Variants in SH3GL1 observed in about 807,000 individuals in gnomAD.
The protein encoded by SH3GL1 is endophilin-A2.
A neutral mutation model predicts 48.8 loss-of-function variants in SH3GL1; 21 were observed. The ratio of observed to expected loss-of-function variants is 0.43; its 90% CI spans 0.30 to 0.62. The LOEUF is 0.62. SH3GL1 is among the 20% of genes least tolerant of loss of function. SH3GL1 has a pLI of 0.11. For synonymous variants in SH3GL1, 282 were observed against 217.5 expected (o/e 1.30, Z -2.61); for missense variants, 454 against 503.0 (o/e 0.90, Z 0.93).
chr19:4,385,330 C>G (rs1973216301), intron 1 of SH3GL1, among the ~76,000 whole-genome samples: 1 of 152,170 alleles, frequency 6.6e-6, no homozygotes, highest in African/African-American at 2.4e-5. Context: ...ATGATACAAC[C>G]TTCATGAGGT....
intron 4 of SH3GL1, among the ~76,000 whole-genome samples, chr19:4,364,866 T>TTGGGTGTG (rs1972729722): frequency 1.0e-5 from 1 of 97,168 alleles, no homozygotes; most frequent in Non-Finnish European, 1.8e-5. Flanking sequence ...ACCCGGCTAA[T>TTGGGTGTG]TGTGTGTGTG....
intron 1 of SH3GL1, among the ~76,000 whole-genome samples, chr19:4,387,138 G>A (rs138232321): frequency 3.4e-4 from 51 of 152,090 alleles, no homozygotes; most frequent in African/African-American, 1.0e-3. Flanking sequence ...CGGTTTCACC[G>A]TGTTAGCCAG....
At chr19:4,366,700 C>T in intron 2 of SH3GL1, 127 bp from the exon 3 acceptor site, 1 of 986,946 alleles carries the variant, frequency 1.0e-6, no homozygotes, top group African/African-American at 1.6e-5. Context: ...CTCTCCATGT[C>T]TTCAGCTCAG....
intron 1 of SH3GL1, among the ~76,000 whole-genome samples, chr19:4,381,689 C>CTT (rs71166991): frequency 2.6e-4 from 9 of 35,148 alleles, no homozygotes; most frequent in African/African-American, 4.9e-4. Context: ...CCCCACACGC[C>CTT]TTTTTTTTTT....
chr19:4,366,595 A>G (rs762581596), intron 2 of SH3GL1, 22 bp from the exon 3 acceptor site: 13 of 1,605,346 alleles, frequency 8.1e-6, no homozygotes, highest in Non-Finnish European at 1.1e-5. Context: ...AGCAGCATAT[A>G]AGACTCCACA....
rs573395521 is a variant in SH3GL1, at chr19:4,400,444, G to A, written c.-76C>T. 3.5e-5 allele frequency: 46 copies of A among 1,324,978 alleles called. No individual in the cohort carries two copies. The South Asian group carries it at 6.6e-4, about 19-fold the overall frequency. The allele number at this position is 1,324,978 out of a possible 1,614,324, so 82.1% of individuals were successfully genotyped here. The stretch of plus-strand genomic sequence containing the variant: ...CCCGGGCGCCGCCGACCCTCTGCGC[G>A]CCTCAGCAGTCCCCGTCGGCGCCGC... On this transcript the variant is annotated 5_prime_UTR_variant, in exon 1 of 10. Coordinates refer to ENST00000269886, the MANE Select transcript of SH3GL1 (RefSeq NM_003025.4). The surrounding 1 kb of genome is among the most constrained non-coding windows in gnomAD (Gnocchi z 4.1).
intron 4 of SH3GL1, among the ~76,000 whole-genome samples, chr19:4,364,939 G>A (rs938817281): frequency 1.6e-4 from 23 of 139,730 alleles, no homozygotes; most frequent in African/African-American, 3.4e-4. Flanking sequence ...TAGTAGAAGC[G>A]GGGTGGGGTT....
At chr19:4,393,695 CAGA>C (rs1333886696) in intron 1 of SH3GL1, among the ~76,000 whole-genome samples, 23 of 151,940 alleles carry the variant, frequency 1.5e-4, no homozygotes, top group African/African-American at 5.3e-4. Context: ...GAGGCTGAGG[CAGA>C]AGAATTGCTT....
At chr19:4,362,796 T>C in intron 7 of SH3GL1, 60 bp from the exon 8 acceptor site, 2 of 1,609,516 alleles carry the variant, frequency 1.2e-6, no homozygotes, top group East Asian at 2.2e-5. Context: ...AGCCCCACTC[T>C]TGTATTTATG....
intron 1 of SH3GL1, among the ~76,000 whole-genome samples, chr19:4,374,364 T>C (rs968315386): frequency 6.6e-6 from 1 of 152,146 alleles, no homozygotes; most frequent in Admixed American, 6.5e-5. Flanking sequence ...AGGCCTGGTC[T>C]ATGATGGTCT....
At chr19:4,378,649 A>AG (rs1973060344) in intron 1 of SH3GL1, among the ~76,000 whole-genome samples, 1 of 152,032 alleles carries the variant, frequency 6.6e-6, no homozygotes, top group Non-Finnish European at 1.5e-5. Flanking sequence ...CGGGAGGCGG[A>AG]GGTTGTGGTG....
intron 1 of SH3GL1, among the ~76,000 whole-genome samples, chr19:4,388,609 T>C (rs1159835082): frequency 6.6e-6 from 1 of 152,210 alleles, no homozygotes; most frequent in African/African-American, 2.4e-5. Context: ...CCTAAGAATC[T>C]TGGCAAACAG....
At chr19:4,385,639 G>T (rs1184121611) in intron 1 of SH3GL1, among the ~76,000 whole-genome samples, 1 of 152,210 alleles carries the variant, frequency 6.6e-6, no homozygotes, top group East Asian at 1.9e-4. Flanking sequence ...GTGGCACAGG[G>T]ACCCCACTCA....
intron 1 of SH3GL1, among the ~76,000 whole-genome samples, chr19:4,381,652 C>G (rs1410638913): frequency 6.0e-5 from 7 of 117,286 alleles, no homozygotes; most frequent in Non-Finnish European, 1.3e-4. Context: ...CTCTGCCTCT[C>G]TTCATTTCCC....
chr19:4,362,800 A>G, intron 7 of SH3GL1, 64 bp from the exon 8 acceptor site: 2 of 1,608,630 alleles, frequency 1.2e-6, no homozygotes, highest in Admixed American at 1.7e-5. Context: ...CCACTCTTGT[A>G]TTTATGCTGC....
Position 4,361,055 on chromosome 19 carries a change from C to G in SH3GL1, c.*545G>C, listed in dbSNP as rs1042599540. 1.3e-5 allele frequency: 3 copies of G among 235,454 alleles called. No individual in the cohort carries two copies. The allele number at this position is 235,454 out of a possible 1,614,324, so 14.6% of individuals were successfully genotyped here. Reference sequence around the variant, plus strand: ...GCCCTGGCCTTGAGGAGAAGGAGTGCGTGTGTGAGGCGGGGGTGCATTGGC... The same window carrying G: ...GCCCTGGCCTTGAGGAGAAGGAGTGGGTGTGTGAGGCGGGGGTGCATTGGC... On this transcript the variant is annotated 3_prime_UTR_variant, in exon 10 of 10. Transcript: ENST00000269886.
chr19:4,385,366 C>T (rs1221021760), intron 1 of SH3GL1, among the ~76,000 whole-genome samples: 2 of 152,170 alleles, frequency 1.3e-5, no homozygotes, highest in Non-Finnish European at 2.9e-5. Flanking sequence ...GTGCCCTGTG[C>T]CACATACTGG....
At chr19:4,380,861 A>G (rs1447216941) in intron 1 of SH3GL1, among the ~76,000 whole-genome samples, 1 of 152,150 alleles carries the variant, frequency 6.6e-6, no homozygotes, top group Non-Finnish European at 1.5e-5. Flanking sequence ...AACTTCTGCG[A>G]AGTTGAAGAT....
chr19:4,375,604 G>A (rs1332313720), intron 1 of SH3GL1, among the ~76,000 whole-genome samples: 1 of 152,206 alleles, frequency 6.6e-6, no homozygotes, highest in African/African-American at 2.4e-5. Context: ...GAGTGCCTGG[G>A]GCTCCTCTCC....
Sources: allele counts gnomAD v4.1 joint callset (sites outside exome capture counted in the v4.1 genomes callset), GRCh38; gene constraint gnomAD v4.1.1; non-coding constraint Gnocchi (gnomAD v3.1); transcripts MANE v1.5; gene names NCBI Gene and HGNC (gene_info 2026-07-23, HGNC 2026-07-21).